CAMK2D: variants seen among roughly 807,000 people sequenced by gnomAD.
The protein encoded by CAMK2D is calcium/calmodulin dependent protein kinase II delta, also known as calcium/calmodulin-dependent protein kinase type II subunit delta.
A neutral mutation model predicts 84.0 loss-of-function variants in CAMK2D; 37 were observed. The ratio of observed to expected loss-of-function variants is 0.44; its 90% CI spans 0.34 to 0.58. The LOEUF is 0.58. CAMK2D is among the 20% of genes least tolerant of loss of function. The probability of loss-of-function intolerance (pLI) is 0.02; values close to 1 mark genes in which losing one functional copy is unlikely to be tolerated. For synonymous variants in CAMK2D, 202 were observed against 212.5 expected (o/e 0.95, Z 0.43); for missense variants, 448 against 652.5 (o/e 0.69, Z 3.41).
chr4:113,653,197 T>A (rs1191164821), intron 3 of CAMK2D, among the ~76,000 whole-genome samples: 1 of 152,048 alleles, frequency 6.6e-6, no homozygotes, highest in Non-Finnish European at 1.5e-5. Context: ...CTAAAACAGA[T>A]AATTAGAATT....
At chr4:113,666,272 A>C (rs192338067) in intron 2 of CAMK2D, among the ~76,000 whole-genome samples, 14 of 152,342 alleles carry the variant, frequency 9.2e-5, no homozygotes, top group Admixed American at 6.5e-4. Context: ...TTACTCCTCC[A>C]AATACCCAAG....
At chr4:113,588,844 C>A (rs953105013) in intron 4 of CAMK2D, among the ~76,000 whole-genome samples, 2 of 150,594 alleles carry the variant, frequency 1.3e-5, no homozygotes, top group African/African-American at 2.5e-5. Context: ...AGAAAATTAA[C>A]CAGATAAATT....
At chr4:113,470,202 C>T (rs138351845) in intron 16 of CAMK2D, among the ~76,000 whole-genome samples, 5 of 152,310 alleles carry the variant, frequency 3.3e-5, no homozygotes, top group African/African-American at 1.2e-4. Context: ...TCCACTCTTG[C>T]TCCTTTGTTT....
chr4:113,687,501 A>G (rs1027416310), intron 2 of CAMK2D, among the ~76,000 whole-genome samples: 3 of 152,238 alleles, frequency 2.0e-5, no homozygotes, highest in Non-Finnish European at 4.4e-5. Context: ...TATTAGGTGC[A>G]CTAGTGACTG....
intron 4 of CAMK2D, among the ~76,000 whole-genome samples, chr4:113,593,865 T>A (rs2098907616): frequency 6.6e-6 from 1 of 151,976 alleles, no homozygotes; most frequent in South Asian, 2.1e-4. Flanking sequence ...GCTTCCTCTT[T>A]CCCCATAACT....
intron 4 of CAMK2D, among the ~76,000 whole-genome samples, chr4:113,603,049 T>G (rs2098959985): frequency 6.6e-6 from 1 of 152,134 alleles, no homozygotes; most frequent in African/African-American, 2.4e-5. Context: ...TCTCTTATCT[T>G]TCGGTAAATT....
At chr4:113,686,703 T>C (rs1384790096) in intron 2 of CAMK2D, among the ~76,000 whole-genome samples, 4 of 152,166 alleles carry the variant, frequency 2.6e-5, no homozygotes, top group African/African-American at 9.7e-5. Context: ...CTCAATATAT[T>C]TTTAACATGA....
At chr4:113,647,044 G>A (rs2099154846) in intron 3 of CAMK2D, among the ~76,000 whole-genome samples, 3 of 152,124 alleles carry the variant, frequency 2.0e-5, no homozygotes, top group African/African-American at 7.2e-5. Context: ...AAGGTGTTTT[G>A]CAGTTGTTAC....
chr4:113,608,088 G>T (rs369333351), intron 4 of CAMK2D, among the ~76,000 whole-genome samples: 1 of 152,102 alleles, frequency 6.6e-6, no homozygotes, highest in South Asian at 2.1e-4. Flanking sequence ...AATAGAATTT[G>T]GATTACCCTT....
intron 6 of CAMK2D, among the ~76,000 whole-genome samples, chr4:113,546,529 G>A (rs2098574085): frequency 6.6e-6 from 1 of 152,160 alleles, no homozygotes; most frequent in South Asian, 2.1e-4. Flanking sequence ...CATGTAATTG[G>A]TTTAGAGATA....
chr4:113,607,919 A>G (rs931817119), intron 4 of CAMK2D, among the ~76,000 whole-genome samples: 25 of 152,328 alleles, frequency 1.6e-4, no homozygotes, highest in Middle Eastern at 3.4e-3. Flanking sequence ...CCAGATCTAC[A>G]GACTAAATTA....
intron 12 of CAMK2D, among the ~76,000 whole-genome samples, chr4:113,512,030 A>T (rs1430380178): frequency 1.3e-5 from 2 of 152,226 alleles, no homozygotes; most frequent in Non-Finnish European, 2.9e-5. Flanking sequence ...CAGAAAACAA[A>T]ATAAAGAATT....
chr4:113,661,726 C>A lies in CAMK2D; in HGVS notation c.207G>T (p.Lys69Asn). 1 of 1,480,636 alleles carries A rather than the reference C, an allele frequency of 6.8e-7. No homozygotes were observed. The highest frequency in any genetic ancestry group is 1.3e-5 in the South Asian group (1 of 77,862). The allele number at this position is 1,480,636 out of a possible 1,614,324, so 91.7% of individuals were successfully genotyped here. ...EREARICRLL[K>N]HPNIVRLHDS... ...ATACGTTCTCACCAATATTAGGGTG[C>A]TTCAAAAGACGGCAGATTCTAGCTT... Residue 69 changes from lysine (K) to asparagine (N), a missense_variant, in exon 3 of 21, where the codon AAG (lysine) becomes AAT (asparagine). Physicochemically the swap from Lys to Asn is moderately conservative, Grantham distance 94. This residue lies in a region of CAMK2D where 46 missense variants were observed against 46.3 expected (regional missense o/e 0.99). Coordinates refer to ENST00000511664, the MANE Select transcript of CAMK2D (RefSeq NM_001321571.2).
intron 7 of CAMK2D, among the ~76,000 whole-genome samples, chr4:113,534,837 G>A (rs113768230): frequency 1.2e-4 from 18 of 152,296 alleles, no homozygotes; most frequent in Admixed American, 3.9e-4. Context: ...TGACCTCACA[G>A]ATTTAAAGTG....
At chr4:113,544,377 T>G (rs2098552654) in intron 6 of CAMK2D, among the ~76,000 whole-genome samples, 1 of 152,196 alleles carries the variant, frequency 6.6e-6, no homozygotes, top group Admixed American at 6.5e-5. Context: ...TTTCCTATCG[T>G]TTTGACTCAT....
intron 2 of CAMK2D, among the ~76,000 whole-genome samples, chr4:113,735,289 GAAAAAAAAAAAAAAAA>G (rs769117708): frequency 6.0e-4 from 27 of 44,766 alleles, no homozygotes; most frequent in South Asian, 1.6e-3. Context: ...ATCTCTACAG[GAAAAAAAAAAAAAAAA>G]AAAAAAAAAA....
intron 2 of CAMK2D, among the ~76,000 whole-genome samples, chr4:113,682,408 CTTTA>C (rs1394357346): frequency 1.3e-5 from 2 of 151,632 alleles, no homozygotes; most frequent in African/African-American, 2.4e-5. Flanking sequence ...TAAAATGTAG[CTTTA>C]TTTATTTTTT....
intron 12 of CAMK2D, chr4:113,513,118 G>A: frequency 1.0e-6 from 1 of 968,196 alleles, no homozygotes; most frequent in Non-Finnish European, 1.2e-6. Context: ...CTTGTGAGGG[G>A]TTCAGTCACG....
At chr4:113,645,286 G>T (rs2099147389) in intron 3 of CAMK2D, among the ~76,000 whole-genome samples, 2 of 152,128 alleles carry the variant, frequency 1.3e-5, no homozygotes, top group Non-Finnish European at 1.5e-5. Context: ...AAAGTGCTGG[G>T]ATTTTAGGCA....
Sources: gnomAD v4.1 joint callset for allele counts (sites outside exome capture counted in the v4.1 genomes callset) on GRCh38, gnomAD v4.1.1 for gene constraint, gnomAD v4.1.1 regional missense constraint, MANE v1.5 for transcripts, NCBI Gene and HGNC (gene_info 2026-07-23, HGNC 2026-07-21) for gene names.